GDPD5: variants seen among roughly 807,000 people sequenced by gnomAD.
GDPD5 encodes glycerophosphodiester phosphodiesterase 2.
In GDPD5, 48 loss-of-function variants were observed where a neutral mutation model predicts 75.1. That is an observed-to-expected ratio of 0.64 (90% confidence interval 0.51 to 0.81). GDPD5 has a LOEUF of 0.81. Among genes scored for constraint, GDPD5 ranks in the 40% least tolerant of loss-of-function variants. The probability of loss-of-function intolerance (pLI) is 0.00; values close to 1 mark genes in which losing one functional copy is unlikely to be tolerated. For synonymous variants in GDPD5, 336 were observed against 339.0 expected, an observed-to-expected ratio of 0.99 and a Z score of 0.10; for missense variants, 706 against 822.6, an observed-to-expected ratio of 0.86 and a Z score of 1.73.
chr11:75,489,933 C>CA lies in GDPD5; in HGVS notation c.-61+303dup, dbSNP rs556444242. On this transcript the variant is annotated intron_variant, in intron 2 of 16. Transcript: ENST00000336898. ...GCCTGGGTTTGAAACCCAGCTCTAA[C>CA]ATGTATTTAATGGAGCAAGTTTCTA... 6.6e-5 allele frequency among the ~76,000 whole-genome samples: 10 copies of CA among 152,186 alleles called. No individual in the cohort carries two copies. In the East Asian group the frequency reaches 1.9e-3, roughly 29 times the overall value.
chr11:75,473,486 G>C (rs1949713833), intron 3 of GDPD5, among the ~76,000 whole-genome samples: 2 of 152,024 alleles, frequency 1.3e-5, no homozygotes, highest in South Asian at 4.1e-4. Flanking sequence ...TGCCTCCCCA[G>C]CCTGCATCCC....
intron 1 of GDPD5, among the ~76,000 whole-genome samples, chr11:75,497,691 T>C (rs953364450): frequency 2.6e-5 from 4 of 152,318 alleles, no homozygotes; most frequent in East Asian, 3.9e-4. Context: ...TTAATGAGTT[T>C]GCAGCAGTGA....
chr11:75,497,270 T>C (rs894899266), intron 1 of GDPD5, among the ~76,000 whole-genome samples: 5 of 151,986 alleles, frequency 3.3e-5, no homozygotes. Flanking sequence ...GCTAAAGGTG[T>C]AGACAAACAC....
At position 75,449,599 on chromosome 11, in the gene GDPD5, T is replaced by C. The variant is rs1949081931; in HGVS notation, c.486A>G (p.Pro162=). The C allele has an allele frequency of 6.3e-7, 1 of 1,579,924 alleles. No individual in the cohort carries two copies. The highest frequency in any genetic ancestry group is 2.3e-5 in the East Asian group (1 of 43,600). ...VLLISLQGTA[P]FLHVGAVAAV... is the part of the protein sequence containing the mutation. ...CTGCCACAGCCCCCACATGCAGGAA[T>C]GGCGCTGTGCCCTGTTTGCAGGGAG... The change falls in exon 8 of 17, where the codon CCA becomes CCG. Residue 162 remains proline, a synonymous_variant. Coordinates refer to ENST00000336898, the MANE Select transcript of GDPD5 (RefSeq NM_030792.8).
intron 2 of GDPD5, among the ~76,000 whole-genome samples, chr11:75,478,608 G>A (rs1949833025): frequency 6.6e-6 from 1 of 152,170 alleles, no homozygotes; most frequent in Non-Finnish European, 1.5e-5. Context: ...CTACTATAAT[G>A]CAGTTTTCAT....
intron 2 of GDPD5, among the ~76,000 whole-genome samples, chr11:75,486,883 G>T (rs1446794227): frequency 6.6e-6 from 1 of 152,196 alleles, no homozygotes; most frequent in Non-Finnish European, 1.5e-5. Flanking sequence ...GGCATTTTAG[G>T]TAAGGAGACA....
chr11:75,476,886 C>T (rs1393228043), intron 3 of GDPD5, among the ~76,000 whole-genome samples: 1 of 152,158 alleles, frequency 6.6e-6, no homozygotes, highest in Non-Finnish European at 1.5e-5. Flanking sequence ...CATCCCCCAC[C>T]CCGGCCCACA....
intron 9 of GDPD5, chr11:75,448,358 G>T (rs1949041954): frequency 6.8e-6 from 3 of 438,186 alleles, no homozygotes; most frequent in Non-Finnish European, 9.1e-6. Context: ...CACAGCAGGT[G>T]CTCTCACTAG....
chr11:75,441,347 C>T (rs2135151440), intron 13 of GDPD5, 37 bp from the exon 14 acceptor site: 1 of 1,612,352 alleles, frequency 6.2e-7, no homozygotes, highest in South Asian at 1.1e-5. Flanking sequence ...GCATGCGGAC[C>T]CTGGCAGCTC....
At chr11:75,439,428 TG>T (rs1180070443) in intron 15 of GDPD5, 9 of 449,014 alleles carry the variant, frequency 2.0e-5, no homozygotes, top group Non-Finnish European at 4.0e-5. Flanking sequence ...CAGAGCAGGA[TG>T]GGACAGAGAG....
At chr11:75,503,154 G>A (rs1022571408) in intron 1 of GDPD5, among the ~76,000 whole-genome samples, 2 of 152,136 alleles carry the variant, frequency 1.3e-5, no homozygotes, top group African/African-American at 4.8e-5. Context: ...TGTGTAGCTG[G>A]GATTACATGT....
At chr11:75,439,642 G>A (rs549324158) in intron 15 of GDPD5, among the ~76,000 whole-genome samples, 1 of 152,290 alleles carries the variant, frequency 6.6e-6, no homozygotes, top group South Asian at 2.1e-4. Context: ...ATTCACCTAA[G>A]CCCACATAGC....
At chr11:75,442,165 G>C (rs531974668) in intron 12 of GDPD5, among the ~76,000 whole-genome samples, 198 bp downstream of exon 12, 11 of 152,334 alleles carry the variant, frequency 7.2e-5, no homozygotes, top group Admixed American at 2.0e-4. Context: ...TGACCGCCTG[G>C]ACCTTTATAC....
chr11:75,494,155 A>G (rs1295736690), intron 1 of GDPD5, among the ~76,000 whole-genome samples: 1 of 151,784 alleles, frequency 6.6e-6, no homozygotes, highest in Admixed American at 6.6e-5. Context: ...GAATAAAAAC[A>G]CTCTTGAAAA....
chr11:75,473,840 G>C (rs1793415), intron 3 of GDPD5, among the ~76,000 whole-genome samples: 89,190 of 152,038 alleles, frequency 0.59, 27,114 homozygotes, highest in East Asian at 0.79. Context: ...AGGCCAGCTC[G>C]GGCAAGCCTT....
At chr11:75,475,352 C>T (rs950997881) in intron 3 of GDPD5, among the ~76,000 whole-genome samples, 4 of 152,106 alleles carry the variant, frequency 2.6e-5, no homozygotes, top group Admixed American at 2.0e-4. Flanking sequence ...GCCGTCTCCA[C>T]CACCCCTCAA....
intron 2 of GDPD5, among the ~76,000 whole-genome samples, chr11:75,487,309 C>T (rs954447): frequency 2.6e-5 from 4 of 152,334 alleles, no homozygotes; most frequent in Admixed American, 2.0e-4. Context: ...GCCCTAGATT[C>T]TAATGGAATC....
At chr11:75,501,703 G>A (rs899633202) in intron 1 of GDPD5, among the ~76,000 whole-genome samples, 7 of 152,180 alleles carry the variant, frequency 4.6e-5, no homozygotes, top group Non-Finnish European at 8.8e-5. Flanking sequence ...GGAGAGGAGA[G>A]GGTGAGAGAG....
intron 1 of GDPD5, among the ~76,000 whole-genome samples, chr11:75,509,288 G>A (rs540805762): frequency 9.5e-4 from 145 of 152,318 alleles, no homozygotes; most frequent in African/African-American, 3.3e-3. Flanking sequence ...CAGCAGATAG[G>A]AAGGACAGCA....
Sources: allele counts gnomAD v4.1 joint callset (sites outside exome capture counted in the v4.1 genomes callset), GRCh38; gene constraint gnomAD v4.1.1; transcripts MANE v1.5; gene names NCBI Gene and HGNC (gene_info 2026-07-23, HGNC 2026-07-21).